FAF1: variants seen among roughly 807,000 people sequenced by gnomAD.
FAF1 encodes the protein Fas associated factor 1, also known as FAS-associated factor 1.
FAF1 carries 25 observed loss-of-function variants against 92.5 expected under a neutral mutation model. The observed-to-expected ratio is 0.27, with a 90% CI of 0.20 to 0.38. FAF1 has a LOEUF of 0.38. FAF1 is among the 10% of genes least tolerant of loss of function. FAF1 has a pLI of 1.00. For synonymous variants in FAF1, 234 were observed against 273.2 expected (o/e 0.86, Z 1.42); for missense variants, 636 against 793.3 (o/e 0.80, Z 2.38).
At chr1:50,749,292 C>A (rs1432633574) in intron 4 of FAF1, among the ~76,000 whole-genome samples, 2 of 152,184 alleles carry the variant, frequency 1.3e-5, no homozygotes, top group East Asian at 3.8e-4. Flanking sequence ...CACCTTCTTA[C>A]ACTCTTGAAA....
intron 4 of FAF1, among the ~76,000 whole-genome samples, chr1:50,749,511 C>T (rs748739145): frequency 2.0e-5 from 3 of 152,074 alleles, no homozygotes; most frequent in Non-Finnish European, 4.4e-5. Context: ...CTCTCTATTG[C>T]AAGGTGGCTC....
intron 4 of FAF1, among the ~76,000 whole-genome samples, chr1:50,778,106 A>C (rs1432931865): frequency 6.6e-6 from 1 of 152,222 alleles, no homozygotes; most frequent in East Asian, 1.9e-4. Context: ...CTACATAGCA[A>C]TTAGAATGAA....
chr1:50,592,450 C>T (rs1438421163), intron 9 of FAF1, among the ~76,000 whole-genome samples: 1 of 151,604 alleles, frequency 6.6e-6, no homozygotes, highest in Non-Finnish European at 1.5e-5. Flanking sequence ...AACGGGGGCT[C>T]AGGAACAAGG....
chr1:50,819,764 CGTATATATATATACATATATATACATAT>C (rs1644023223), intron 2 of FAF1, among the ~76,000 whole-genome samples: 1 of 16,682 alleles, frequency 6.0e-5, no homozygotes, highest in African/African-American at 1.9e-4. Flanking sequence ...TATATATATA[CGTATATATATATACATATATATACATAT>C]ATATATATAC....
intron 4 of FAF1, among the ~76,000 whole-genome samples, chr1:50,784,661 T>C (rs1200122802): frequency 6.6e-6 from 1 of 152,174 alleles, no homozygotes; most frequent in Non-Finnish European, 1.5e-5. Context: ...CCCAATGGTA[T>C]TTTTTGCAGA....
intron 18 of FAF1, among the ~76,000 whole-genome samples, chr1:50,448,436 G>C (rs1479670064): frequency 1.3e-5 from 2 of 152,162 alleles, no homozygotes; most frequent in Non-Finnish European, 2.9e-5. Context: ...TCTTGTTGGG[G>C]GAAGTATTTA....
In FAF1 at chr1:50,546,235, T is replaced by A. The variant is rs376202823; in HGVS notation, c.1269-6507A>T. 1.9e-4 allele frequency among the ~76,000 whole-genome samples: 29 copies of A among 152,340 alleles called. No individual in the cohort carries two copies. The South Asian group carries it at 4.8e-3, about 25-fold the overall frequency. ...AATTTAAAGAGATACTATGTAGCCA[T>A]TAAATAGATTTCTTTATTAACTGAT... is the stretch of plus-strand genomic sequence containing the variant. On this transcript the variant is annotated intron_variant, in intron 13 of 18. Coordinates refer to ENST00000396153, the MANE Select transcript of FAF1 (RefSeq NM_007051.3).
chr1:50,691,088 G>A (rs1294858569), intron 7 of FAF1, among the ~76,000 whole-genome samples: 2 of 152,140 alleles, frequency 1.3e-5, no homozygotes, highest in African/African-American at 4.8e-5. Flanking sequence ...TACATATCTA[G>A]GAGTAGAATT....
intron 8 of FAF1, among the ~76,000 whole-genome samples, chr1:50,649,042 A>G (rs1345961584): frequency 6.6e-6 from 1 of 152,112 alleles, no homozygotes; most frequent in Non-Finnish European, 1.5e-5. Flanking sequence ...TTGGCCTCCC[A>G]AAGTGCTGGG....
At chr1:50,819,638 T>TCACTCACACACA (rs1553142955) in intron 2 of FAF1, among the ~76,000 whole-genome samples, 23 of 97,822 alleles carry the variant, frequency 2.4e-4, no homozygotes, top group Non-Finnish European at 4.0e-4. Flanking sequence ...ACTGACTCAC[T>TCACTCACACACA]CACACACACA....
intron 8 of FAF1, among the ~76,000 whole-genome samples, chr1:50,604,657 G>A (rs1001986659): frequency 1.3e-5 from 2 of 152,176 alleles, no homozygotes; most frequent in East Asian, 3.9e-4. Context: ...GCAGGTGCAT[G>A]CTGCCATGCC....
rs573662810 is a variant in FAF1 at position 50,889,360 on chromosome 1, C to T, written c.46-31363G>A. Among the ~76,000 whole-genome samples the T allele has an allele frequency of 1.1e-3, 169 of 152,208 alleles. 1 individual carries two copies. The highest frequency in any genetic ancestry group is 9.6e-3 in the Admixed American group (146 of 15,278). On this transcript the variant is annotated intron_variant, in intron 1 of 18. Transcript: ENST00000396153. ...TTTGAAGGGTTTTTTGTGTCTCTAT[C>T]TCCTTCAGTTCTGCTCTGATCTTAG...
intron 8 of FAF1, among the ~76,000 whole-genome samples, chr1:50,619,910 T>TC (rs1491395585): frequency 3.6e-4 from 49 of 135,660 alleles, no homozygotes; most frequent in African/African-American, 1.0e-3. Context: ...TCTCTCTCTC[T>TC]TTTTTTTTTT....
chr1:50,569,875 AC>A lies in FAF1; in HGVS notation c.1114-2645del, dbSNP rs1247571976. On this transcript the variant is annotated intron_variant, in intron 12 of 18. Transcript: ENST00000396153. ...TCTATAAGTGCAGCCGACAGTGTTG[AC>A]TGAAACTAAACTTGGAAATCCAGGG... 4.6e-5 allele frequency among the ~76,000 whole-genome samples: 7 copies of A among 152,250 alleles called. No individual in the cohort carries two copies. In the East Asian group the frequency reaches 1.4e-3, roughly 30 times the overall value.
intron 8 of FAF1, among the ~76,000 whole-genome samples, chr1:50,623,884 G>C (rs918747323): frequency 1.3e-5 from 2 of 151,894 alleles, no homozygotes; most frequent in Non-Finnish European, 2.9e-5. Flanking sequence ...GCTGCAGTGA[G>C]TTGTGATTGC....
At chr1:50,908,701 C>CA (rs1553151021) in intron 1 of FAF1, among the ~76,000 whole-genome samples, 1 of 150,294 alleles carries the variant, frequency 6.7e-6, no homozygotes, top group Non-Finnish European at 1.5e-5. Context: ...CAACCCCTGC[C>CA]TTTTTTTTTG....
At chr1:50,668,241 T>G (rs116732283) in intron 7 of FAF1, among the ~76,000 whole-genome samples, 65 of 152,300 alleles carry the variant, frequency 4.3e-4, no homozygotes, top group African/African-American at 1.4e-3. Flanking sequence ...GTGTTTGCAT[T>G]TGGGGCCCTG....
chr1:50,831,555 T>C (rs1444067317), intron 2 of FAF1, among the ~76,000 whole-genome samples: 3 of 152,178 alleles, frequency 2.0e-5, no homozygotes, highest in African/African-American at 7.2e-5. Flanking sequence ...TTTCTTTAAA[T>C]GTCTGTTGAG....
chr1:50,816,218 T>G lies in FAF1; in HGVS notation c.115-14541A>C, dbSNP rs530012190. On this transcript the variant is annotated intron_variant, in intron 2 of 18. Transcript: ENST00000396153. ...TTTTTCCTTTTTCTTTTTTTTTTTT[T>G]TTTTGAGACGGAGTCTTGCTCTGTC... 7.5e-5 allele frequency among the ~76,000 whole-genome samples: 11 copies of G among 147,432 alleles called. No homozygotes were observed. In the South Asian group the frequency reaches 2.4e-3, roughly 32 times the overall value.
Sources: gnomAD v4.1 joint callset for allele counts (sites outside exome capture counted in the v4.1 genomes callset) on GRCh38, gnomAD v4.1.1 for gene constraint, MANE v1.5 for transcripts, NCBI Gene and HGNC (gene_info 2026-07-23, HGNC 2026-07-21) for gene names.